The following DGKB variants were observed in gnomAD, a reference collection of about 807,000 sequenced individuals.
DGKB encodes the protein diacylglycerol kinase beta, also known as 90 kDa diacylglycerol kinase.
DGKB carries 67 observed loss-of-function variants against 114.3 expected under a neutral mutation model. The ratio of observed to expected loss-of-function variants is 0.59; its 90% confidence interval spans 0.48 to 0.72. The LOEUF is 0.72. DGKB is among the 30% of genes least tolerant of loss of function. The probability of loss-of-function intolerance (pLI) is 0.00; values close to 1 mark genes in which losing one functional copy is unlikely to be tolerated. For synonymous variants in DGKB, 398 were observed against 323.1 expected, an observed-to-expected ratio of 1.23 and a Z score of -2.49; for missense variants, 907 against 975.2, an observed-to-expected ratio of 0.93 and a Z score of 0.93.
At chr7:14,246,554 A>G (rs1024537876) in intron 23 of DGKB, among the ~76,000 whole-genome samples, 2 of 152,152 alleles carry the variant, frequency 1.3e-5, no homozygotes, top group Admixed American at 6.5e-5. Flanking sequence ...AACAAATTAT[A>G]AAGAATATAC....
chr7:14,969,373 G>C (rs1026528262), intron 1 of DGKB, among the ~76,000 whole-genome samples: 6 of 152,120 alleles, frequency 3.9e-5, no homozygotes, highest in Non-Finnish European at 8.8e-5. Context: ...CTGTTGTTAG[G>C]TGATTTCCTC....
At chr7:14,370,854 T>C (rs960239684) in intron 21 of DGKB, among the ~76,000 whole-genome samples, 8 of 152,124 alleles carry the variant, frequency 5.3e-5, no homozygotes, top group African/African-American at 1.9e-4. Flanking sequence ...ATGTCTATTG[T>C]TGCCATGTTT....
chr7:14,930,690 C>T (rs899118856), intron 1 of DGKB, among the ~76,000 whole-genome samples: 1 of 152,010 alleles, frequency 6.6e-6, no homozygotes. Flanking sequence ...GTTTGTATGC[C>T]TTGTATTTCT....
intron 1 of DGKB, among the ~76,000 whole-genome samples, chr7:14,942,652 G>A (rs1044587219): frequency 6.6e-6 from 1 of 151,826 alleles, no homozygotes; most frequent in Non-Finnish European, 1.5e-5. Context: ...ACTTCTTTCT[G>A]TTCCCTGAAC....
At chr7:14,164,591 A>ATTATGTAATTATTAATTATGTAATT (rs2128228160) in intron 25 of DGKB, among the ~76,000 whole-genome samples, 2 of 152,310 alleles carry the variant, frequency 1.3e-5, no homozygotes, top group South Asian at 4.1e-4. Context: ...TGTAATTATG[A>ATTATGTAATTATTAATTATGTAATT]AAGTTAAACA....
chr7:14,568,120 T>G (rs1047903024), intron 20 of DGKB, among the ~76,000 whole-genome samples: 4 of 152,166 alleles, frequency 2.6e-5, no homozygotes, highest in African/African-American at 7.2e-5. Context: ...ACAATCTTCT[T>G]TCACCTCACT....
At chr7:14,290,556 T>G (rs776955684) in intron 23 of DGKB, among the ~76,000 whole-genome samples, 15 of 152,148 alleles carry the variant, frequency 9.9e-5, no homozygotes, top group Non-Finnish European at 1.8e-4. Context: ...TCAGGCTGCC[T>G]CGGTACCCTC....
chr7:14,717,552 TTAAA>T (rs1828408371), intron 6 of DGKB, among the ~76,000 whole-genome samples: 1 of 152,144 alleles, frequency 6.6e-6, no homozygotes, highest in Non-Finnish European at 1.5e-5. Flanking sequence ...TGTGTGACTC[TTAAA>T]TAATCACATT....
chr7:14,408,528 G>A (rs757868236), intron 21 of DGKB, among the ~76,000 whole-genome samples: 4 of 152,080 alleles, frequency 2.6e-5, no homozygotes, highest in Non-Finnish European at 5.9e-5. Flanking sequence ...ATATATTGAG[G>A]TGCAGGCAAA....
intron 2 of DGKB, among the ~76,000 whole-genome samples, chr7:14,825,937 G>A (rs554979796): frequency 6.6e-6 from 1 of 152,246 alleles, no homozygotes; most frequent in African/African-American, 2.4e-5. Context: ...TGGGCTTTCT[G>A]ACTAATTCTT....
chr7:14,811,492 T>C (rs1166262197), intron 2 of DGKB, among the ~76,000 whole-genome samples: 4 of 152,122 alleles, frequency 2.6e-5, no homozygotes, highest in East Asian at 1.9e-4. Context: ...TGAAAACCCA[T>C]GCTTCTCATG....
intron 23 of DGKB, among the ~76,000 whole-genome samples, chr7:14,215,650 C>A (rs1261933605): frequency 1.3e-5 from 2 of 152,054 alleles, no homozygotes; most frequent in East Asian, 3.9e-4. Context: ...GAAACCGAGA[C>A]ACAGAGTTAA....
chr7:14,907,633 G>A (rs1444145447), upstream of DGKB, among the ~76,000 whole-genome samples: 6 of 152,080 alleles, frequency 3.9e-5, no homozygotes, highest in East Asian at 1.2e-3. Flanking sequence ...AATTTCTGAG[G>A]TTAATATTTA....
At chr7:14,436,856 T>G (rs1423080028) in intron 21 of DGKB, among the ~76,000 whole-genome samples, 2 of 152,094 alleles carry the variant, frequency 1.3e-5, no homozygotes, top group African/African-American at 4.8e-5. Flanking sequence ...CCAAAAAAAG[T>G]GAGAATCATC....
chr7:14,148,776 C>T lies in DGKB; in HGVS notation c.*355G>A, dbSNP rs1001152596. 3.2e-6 allele frequency: 1 copy of T among 308,140 alleles called. No individual in the cohort carries two copies. Among genetic ancestry groups the T allele is most frequent in the South Asian group, 3.3e-5 (1 of 30,728 alleles). 19.1% of individuals were successfully genotyped at this position (308,140 alleles called of 1,614,324 possible). A position where few individuals can be genotyped will look rare whatever the true frequency, so the allele number is the denominator to read the frequency against. The stretch of plus-strand genomic sequence containing the variant: ...ATAATTGGAATCACACTGAGAATCA[C>T]GTTTCCCATGGTATTTCCTTTTTCA... On this transcript the variant is annotated 3_prime_UTR_variant, in exon 26 of 26. Transcript: ENST00000402815.
In DGKB at chr7:14,964,867, C is replaced by T. The variant is rs146173464; in HGVS notation, c.-188+9829G>A. On this transcript the variant is annotated intron_variant, in intron 1 of 4. Transcript: ENST00000437998. Reference sequence around the variant, plus strand: ...TCAGGGTTATATTAGTTGCAAGTGACTGAAACCCAACTAAGAATGGCTTAT... The same window carrying T: ...TCAGGGTTATATTAGTTGCAAGTGATTGAAACCCAACTAAGAATGGCTTAT... Among the ~76,000 whole-genome samples the T allele has an allele frequency of 3.6e-3, 545 of 152,192 alleles. 8 individuals carry two copies. The highest frequency in any genetic ancestry group is 0.025 in the Admixed American group (377 of 15,280).
chr7:14,718,704 T>G lies in DGKB; in HGVS notation c.323-19A>C. 1 of 1,577,896 alleles carries G rather than the reference T, an allele frequency of 6.3e-7. No individual in the cohort carries two copies. The highest frequency in any genetic ancestry group is 1.2e-5 in the South Asian group (1 of 86,824). Reference sequence around the variant, plus strand: ...CTCAGACCTGGAAAAAAAATTGTCTTTATATTTTGTTAATTATTTACAGTG... The same window carrying G: ...CTCAGACCTGGAAAAAAAATTGTCTGTATATTTTGTTAATTATTTACAGTG... On this transcript the variant is annotated intron_variant, in intron 5 of 25. Transcript: ENST00000402815.
intron 1 of DGKB, among the ~76,000 whole-genome samples, chr7:14,917,808 A>G (rs1400772430): frequency 6.6e-6 from 1 of 152,028 alleles, no homozygotes; most frequent in Non-Finnish European, 1.5e-5. Context: ...TCTGACCCTT[A>G]CAAGAATGAA....
chr7:14,271,153 A>T (rs555930206), intron 23 of DGKB, among the ~76,000 whole-genome samples: 1 of 152,198 alleles, frequency 6.6e-6, no homozygotes, highest in Non-Finnish European at 1.5e-5. Context: ...ACATATTTTT[A>T]TAAGACTCAT....
Sources: allele counts gnomAD v4.1 joint callset (sites outside exome capture counted in the v4.1 genomes callset), GRCh38; gene constraint gnomAD v4.1.1; transcripts MANE v1.5; gene names NCBI Gene and HGNC (gene_info 2026-07-23, HGNC 2026-07-21).